Variants in PKP4 observed in about 807,000 individuals in gnomAD.
The protein encoded by PKP4 is plakophilin-4.
A neutral mutation model predicts 145.1 loss-of-function variants in PKP4; 90 were observed. The observed-to-expected ratio is 0.62, with a 90% CI of 0.52 to 0.74. The LOEUF (loss-of-function observed/expected upper bound fraction) is 0.74. PKP4 is among the 30% of genes least tolerant of loss of function. The pLI, the probability that PKP4 is intolerant of heterozygous loss-of-function variation, is 0.00. For missense variants in PKP4, 1,340 were observed against 1,482.7 expected (o/e 0.90, Z 1.58); for synonymous variants, 563 against 577.2 (o/e 0.98, Z 0.35).
intron 15 of PKP4, among the ~76,000 whole-genome samples, chr2:158,664,567 T>C (rs1210424024): frequency 6.6e-6 from 1 of 152,192 alleles, no homozygotes; most frequent in Non-Finnish European, 1.5e-5. Flanking sequence ...GATGGTGTTT[T>C]CAAGATAGTG....
chr2:158,563,948 G>A (rs554338791), intron 2 of PKP4, among the ~76,000 whole-genome samples: 90 of 152,226 alleles, frequency 5.9e-4, no homozygotes, highest in African/African-American at 2.0e-3. Flanking sequence ...AGAATACCAC[G>A]TTCGAGGAAT....
intron 2 of PKP4, among the ~76,000 whole-genome samples, chr2:158,554,615 C>T (rs977053278): frequency 4.0e-5 from 6 of 151,800 alleles, no homozygotes; most frequent in Non-Finnish European, 8.8e-5. Context: ...TTAGTAAAGA[C>T]GGGGTTTCAC....
chr2:158,513,450 T>C (rs903042504), intron 1 of PKP4, among the ~76,000 whole-genome samples: 2 of 152,164 alleles, frequency 1.3e-5, no homozygotes, highest in African/African-American at 4.8e-5. Flanking sequence ...TTTCCTAGGA[T>C]TCGATTTAAT....
At chr2:158,459,999 C>G (rs72931474) in intron 1 of PKP4, among the ~76,000 whole-genome samples, 1,669 of 152,276 alleles carry the variant, frequency 0.011, 19 homozygotes, top group Admixed American at 0.018. Context: ...CTCCCCACCC[C>G]CTACTATTAT....
At chr2:158,640,454 G>GC (rs1375216014) in intron 9 of PKP4, among the ~76,000 whole-genome samples, 173 bp from the exon 10 acceptor site, 3 of 152,168 alleles carry the variant, frequency 2.0e-5, no homozygotes, top group Non-Finnish European at 4.4e-5. Context: ...AAGCATCTGG[G>GC]CCTCTGCATA....
Position 158,525,925 on chromosome 2 carries a change from C to T in PKP4, c.-5-7255C>T, listed in dbSNP as rs1174798931. Among the ~76,000 whole-genome samples, 6 of 151,336 alleles carry T rather than the reference C, an allele frequency of 4.0e-5. No homozygotes were observed. The South Asian group carries it at 8.4e-4, about 21-fold the overall frequency. On this transcript the variant is annotated intron_variant, in intron 1 of 21. Coordinates refer to ENST00000389759, the MANE Select transcript of PKP4 (RefSeq NM_003628.6). Reference sequence around the variant, plus strand: ...CCTCGACACGTACACTCTCCCAAGACTAAACCAGGAAGAAGTTGAATCTCT... The same window carrying T: ...CCTCGACACGTACACTCTCCCAAGATTAAACCAGGAAGAAGTTGAATCTCT...
chr2:158,577,159 G>A, intron 2 of PKP4, 112 bp from the exon 3 acceptor site: 1 of 608,394 alleles, frequency 1.6e-6, no homozygotes, highest in African/African-American at 1.9e-5. Flanking sequence ...CCACACCATA[G>A]CTTTATGTTA....
At position 158,495,694 on chromosome 2, in the gene PKP4, C is replaced by T. The variant is rs191799585; in HGVS notation, c.-5-37486C>T. On this transcript the variant is annotated intron_variant, in intron 1 of 21. Transcript: ENST00000389759. ...ACTGAAAATACAAAAATTAGCTGGG[C>T]GTGGTAGTGGGTGCCTGTAATCCCA... Among the ~76,000 whole-genome samples, 447 of 151,638 alleles carry T rather than the reference C, an allele frequency of 2.9e-3. 4 individuals are homozygous for T. Among genetic ancestry groups the T allele is most frequent in the African/African-American group, 0.01 (419 of 41,368 alleles).
intron 1 of PKP4, among the ~76,000 whole-genome samples, chr2:158,467,720 G>T (rs1184081092): frequency 2.0e-5 from 3 of 152,034 alleles, no homozygotes; most frequent in Non-Finnish European, 1.5e-5. Context: ...GATGGCATGT[G>T]CCTGTAGTCT....
chr2:158,604,589 G>A lies in PKP4; in HGVS notation c.280+1485G>A, dbSNP rs1460255294. Among the ~76,000 whole-genome samples the A allele has an allele frequency of 2.0e-5, 3 of 152,050 alleles. No homozygotes were observed. In the East Asian group the frequency reaches 5.8e-4, roughly 29 times the overall value. On this transcript the variant is annotated intron_variant, in intron 4 of 21. Transcript: ENST00000389759. ...AGAGGCTGGTGTGGTGGTCAGGTGG[G>A]TAGGCAATAACTGTGAGGTTTTGCG...
chr2:158,523,673 C>A (rs990431377), intron 1 of PKP4, among the ~76,000 whole-genome samples: 2 of 134,334 alleles, frequency 1.5e-5, no homozygotes, highest in Non-Finnish European at 3.1e-5. Context: ...TTCAGACGAT[C>A]AAATTACTCT....
At chr2:158,585,579 A>G (rs979225783) in intron 3 of PKP4, among the ~76,000 whole-genome samples, 1 of 152,178 alleles carries the variant, frequency 6.6e-6, no homozygotes, top group Non-Finnish European at 1.5e-5. Flanking sequence ...TGAGAAATCA[A>G]CCTCTTCAAA....
chr2:158,596,627 T>TAAA (rs3836166), intron 3 of PKP4, among the ~76,000 whole-genome samples: 2 of 145,458 alleles, frequency 1.4e-5, no homozygotes, highest in Non-Finnish European at 3.0e-5. Context: ...CTTGTCTCTT[T>TAAA]AAAAAAAAAA....
chr2:158,652,005 C>T (rs1643472389), intron 11 of PKP4, among the ~76,000 whole-genome samples: 1 of 152,114 alleles, frequency 6.6e-6, no homozygotes, highest in South Asian at 2.1e-4. Flanking sequence ...CGGAGTCTGG[C>T]ATGAAGCAAG....
intron 1 of PKP4, among the ~76,000 whole-genome samples, chr2:158,468,176 T>A (rs531605545): frequency 1.3e-5 from 2 of 152,358 alleles, no homozygotes; most frequent in South Asian, 2.1e-4. Flanking sequence ...TTTAAAACTT[T>A]CTTTCTACAT....
chr2:158,568,270 A>G (rs1290430633), intron 2 of PKP4, among the ~76,000 whole-genome samples: 2 of 152,194 alleles, frequency 1.3e-5, no homozygotes, highest in African/African-American at 4.8e-5. Flanking sequence ...CCCGGGAGGC[A>G]GAGGTTGCAG....
intron 6 of PKP4, 27 bp from the exon 7 acceptor site, chr2:158,624,851 T>C (rs752121285): frequency 2.1e-5 from 33 of 1,538,020 alleles, no homozygotes; most frequent in Non-Finnish European, 2.5e-5. Context: ...GATAAACCCA[T>C]TCTCTTTTTT....
In PKP4 at chr2:158,625,210, G is replaced by T; in HGVS notation, c.936G>T (p.Val312=). 6.2e-7 allele frequency: 1 copy of T among 1,614,106 alleles called. No individual in the cohort carries two copies. The change falls in exon 7 of 22, where the codon GTG becomes GTT. Residue 312 remains valine (V), a synonymous_variant. Coordinates refer to ENST00000389759, the MANE Select transcript of PKP4 (RefSeq NM_003628.6). ...CTCAATACCAAACCACCGCCAGAGT[G>T]GGGTCCCCACTGACCCTGACGGATG... The part of the protein sequence containing the change: ...PTPQYQTTAR[V]GSPLTLTDAQ...
intron 9 of PKP4, among the ~76,000 whole-genome samples, chr2:158,638,681 G>T (rs1172630920): frequency 1.3e-4 from 20 of 152,158 alleles, no homozygotes; most frequent in Admixed American, 1.3e-3. Context: ...GAGAGAACAT[G>T]TAGGAAACTG....
Sources: gnomAD v4.1 joint callset for allele counts (sites outside exome capture counted in the v4.1 genomes callset) on GRCh38, gnomAD v4.1.1 for gene constraint, MANE v1.5 for transcripts, NCBI Gene and HGNC (gene_info 2026-07-23, HGNC 2026-07-21) for gene names.